The following OPCML variants were observed in gnomAD, a reference collection of about 807,000 sequenced individuals.
OPCML encodes opioid-binding protein/cell adhesion molecule.
A neutral mutation model predicts 37.8 loss-of-function variants in OPCML; 13 were observed. That is an observed-to-expected ratio of 0.34 (90% CI 0.22 to 0.55). The LOEUF (loss-of-function observed/expected upper bound fraction) is 0.55, where lower values mean the gene tolerates loss of function less well. Among genes scored for constraint, OPCML ranks in the 20% least tolerant of loss-of-function variants. The pLI is 0.91. For synonymous variants in OPCML, 176 were observed against 168.8 expected (o/e 1.04, Z -0.33); for missense variants, 341 against 435.6 (o/e 0.78, Z 1.93).
At chr11:132,963,664 T>C (rs1054105203) in intron 1 of OPCML, among the ~76,000 whole-genome samples, 2 of 151,872 alleles carry the variant, frequency 1.3e-5, no homozygotes, top group Non-Finnish European at 2.9e-5. Context: ...ACCATTCTTA[T>C]ATAGAGGAAG....
At chr11:132,424,443 T>C (rs907970447) in intron 7 of OPCML, among the ~76,000 whole-genome samples, 3 of 152,116 alleles carry the variant, frequency 2.0e-5, no homozygotes, top group African/African-American at 4.8e-5. Flanking sequence ...TAATGACATA[T>C]TCTATTCCAG....
intron 4 of OPCML, among the ~76,000 whole-genome samples, chr11:132,447,704 G>A (rs1275186596): frequency 2.0e-5 from 3 of 152,208 alleles, no homozygotes; most frequent in African/African-American, 7.2e-5. Flanking sequence ...CCTACTGAAA[G>A]GTCTGCTGTC....
chr11:132,514,194 A>G (rs2096274903), intron 4 of OPCML, among the ~76,000 whole-genome samples: 1 of 152,206 alleles, frequency 6.6e-6, no homozygotes, highest in Non-Finnish European at 1.5e-5. Context: ...ATAAATTTAA[A>G]GGATGATTTT....
intron 2 of OPCML, among the ~76,000 whole-genome samples, chr11:132,686,830 T>C (rs1793259): frequency 0.58 from 88,658 of 151,942 alleles, 26,011 homozygotes; most frequent in Admixed American, 0.63. Context: ...GGAGTGTTTT[T>C]GTCCCACTCA....
chr11:132,798,965 T>G (rs540040994), intron 2 of OPCML, among the ~76,000 whole-genome samples: 1 of 152,328 alleles, frequency 6.6e-6, no homozygotes, highest in East Asian at 1.9e-4. Context: ...TGTAAACAGA[T>G]GTGCTGTCAT....
chr11:133,254,394 G>A (rs1355475836), intron 1 of OPCML, among the ~76,000 whole-genome samples: 1 of 152,188 alleles, frequency 6.6e-6, no homozygotes, highest in Non-Finnish European at 1.5e-5. Flanking sequence ...GTCAGGATAA[G>A]GTGACAAAAG....
rs1391505554 is a variant in OPCML at position 133,419,852 on chromosome 11, T to C, written c.61+112412A>G. The stretch of plus-strand genomic sequence containing the variant: ...AAATATTGTTTGACTATTCAAAACC[T>C]ATTATCTAATTCAGCAAAGAAGTTA... On this transcript the variant is annotated intron_variant, in intron 1 of 7. Coordinates refer to ENST00000524381, the MANE Select transcript of OPCML (RefSeq NM_001012393.5). Among the ~76,000 whole-genome samples the C allele has an allele frequency of 1.1e-4, 17 of 152,228 alleles. 1 individual carries two copies. Among genetic ancestry groups the C allele is most frequent in the Admixed American group, 1.0e-3 (16 of 15,276 alleles).
chr11:132,546,065 T>C (rs951533168), intron 3 of OPCML, among the ~76,000 whole-genome samples: 6 of 152,208 alleles, frequency 3.9e-5, no homozygotes, highest in African/African-American at 1.4e-4. Context: ...TCTCAGAAGC[T>C]TATATAACTA....
At chr11:133,119,680 TGAG>T (rs1047765404) in intron 1 of OPCML, among the ~76,000 whole-genome samples, 9 of 152,060 alleles carry the variant, frequency 5.9e-5, no homozygotes, top group Non-Finnish European at 1.2e-4. Flanking sequence ...AAATTCAGCC[TGAG>T]GAGGGGAGGC....
At chr11:133,026,656 G>T in intron 1 of OPCML, 3 of 866,420 alleles carry the variant, frequency 3.5e-6, no homozygotes, top group Non-Finnish European at 4.2e-6. Context: ...TTTGTGCATT[G>T]CCTGGATTCC....
chr11:132,436,444 T>C, intron 6 of OPCML: 1 of 951,304 alleles, frequency 1.1e-6, no homozygotes, highest in African/African-American at 1.8e-5. Context: ...CTACAACCAG[T>C]CTCAGATTCA....
intron 1 of OPCML, among the ~76,000 whole-genome samples, chr11:133,493,866 C>G (rs1947721215): frequency 6.6e-6 from 1 of 152,034 alleles, no homozygotes; most frequent in South Asian, 2.1e-4. Context: ...CATATGGGAT[C>G]TAATTAAACT....
rs569782558 is a variant in OPCML at position 133,134,974 on chromosome 11, C to T, written c.62-191964G>A. On this transcript the variant is annotated intron_variant, in intron 1 of 7. Transcript: ENST00000524381. The stretch of plus-strand genomic sequence containing the variant: ...ATTTCCTGGATATTGTTCTAGTGCA[C>T]ATTTTACACACACTGATTCCCTTTC... Among the ~76,000 whole-genome samples, 166 of 152,304 alleles carry T rather than the reference C, an allele frequency of 1.1e-3. 2 individuals are homozygous for T. The highest frequency in any genetic ancestry group is 4.6e-4 in the Non-Finnish European group (31 of 68,036).
At chr11:133,150,874 C>A in intron 1 of OPCML, among the ~76,000 whole-genome samples, 1 of 151,946 alleles carries the variant, frequency 6.6e-6, no homozygotes, top group East Asian at 1.9e-4. Flanking sequence ...ATGTGCAGAC[C>A]CAAAGGGCAG....
At chr11:133,343,284 GC>G (rs1320028339) in intron 1 of OPCML, among the ~76,000 whole-genome samples, 3 of 152,142 alleles carry the variant, frequency 2.0e-5, no homozygotes, top group Non-Finnish European at 4.4e-5. Flanking sequence ...TCTTTGTGTT[GC>G]CCATCCTCAC....
intron 2 of OPCML, among the ~76,000 whole-genome samples, chr11:132,737,492 A>G (rs1945297730): frequency 6.6e-6 from 1 of 152,244 alleles, no homozygotes. Context: ...AGAAAAATTT[A>G]TAATTTCCAT....
At position 132,943,994 on chromosome 11, in the gene OPCML, C is replaced by A. The variant is rs911550712; in HGVS notation, c.62-984G>T. On this transcript the variant is annotated intron_variant, in intron 1 of 7. Transcript: ENST00000524381. This position sits in a 1 kb window ranked among gnomAD's most constrained non-coding sequence, Gnocchi z 4.3. ...ACTTTCTCCCGGTGCCGCCTCGGAG[C>A]GAGCGGGCTGGCGGGCGGCGCGGAC... 1.3e-5 allele frequency among the ~76,000 whole-genome samples: 2 copies of A among 151,854 alleles called. No homozygotes were observed. Among genetic ancestry groups the A allele is most frequent in the Admixed American group, 1.3e-4 (2 of 15,264 alleles).
intron 3 of OPCML, among the ~76,000 whole-genome samples, chr11:132,544,097 T>A (rs986667069): frequency 5.9e-5 from 9 of 152,180 alleles, no homozygotes; most frequent in African/African-American, 2.2e-4. Context: ...GTGTCTGGTA[T>A]ATTCAATACC....
chr11:132,554,030 G>T (rs1051442514), intron 3 of OPCML, among the ~76,000 whole-genome samples: 1 of 152,178 alleles, frequency 6.6e-6, no homozygotes, highest in Non-Finnish European at 1.5e-5. Context: ...CTGCCTGCCA[G>T]GGACCTTTCT....
Sources: allele counts gnomAD v4.1 joint callset (sites outside exome capture counted in the v4.1 genomes callset), GRCh38; gene constraint gnomAD v4.1.1; non-coding constraint Gnocchi (gnomAD v3.1); transcripts MANE v1.5; gene names NCBI Gene and HGNC (gene_info 2026-07-23, HGNC 2026-07-21).